The following LCORL variants were observed in gnomAD, a reference collection of about 807,000 sequenced individuals.
LCORL encodes the protein ligand dependent nuclear receptor corepressor like.
A neutral mutation model predicts 141.8 loss-of-function variants in LCORL; 41 were observed. That is an observed-to-expected ratio of 0.29 (90% confidence interval 0.23 to 0.38). The LOEUF is 0.38. Ranked by LOEUF, LCORL falls within the 10% of genes least tolerant of loss-of-function variation. The pLI, the probability that LCORL is intolerant of heterozygous loss-of-function variation, is 1.00. For synonymous variants in LCORL, 618 were observed against 694.1 expected (o/e 0.89, Z 1.72); for missense variants, 1,759 against 2,035.0 (o/e 0.86, Z 2.61).
intron 1 of LCORL, among the ~76,000 whole-genome samples, chr4:17,983,069 A>G (rs1257395844): frequency 6.6e-6 from 1 of 152,138 alleles, no homozygotes; most frequent in African/African-American, 2.4e-5. Flanking sequence ...AAGATTAGAT[A>G]GTTGTAGGTA....
chr4:17,959,564 T>C (rs1474997082), intron 4 of LCORL, among the ~76,000 whole-genome samples: 2 of 152,064 alleles, frequency 1.3e-5, no homozygotes, highest in Non-Finnish European at 2.9e-5. Context: ...TCATCATCAT[T>C]ATCCCAGGTA....
chr4:17,903,765 T>C (rs532346640), intron 5 of LCORL, among the ~76,000 whole-genome samples: 14 of 151,986 alleles, frequency 9.2e-5, no homozygotes, highest in Non-Finnish European at 1.9e-4. Context: ...GTGTAGAGTT[T>C]GTGAAAGAGA....
At chr4:17,981,177 C>T (rs778525612) in intron 1 of LCORL, among the ~76,000 whole-genome samples, 31 of 152,124 alleles carry the variant, frequency 2.0e-4, no homozygotes, top group Admixed American at 4.6e-4. Context: ...CTTTCATAAA[C>T]GGCTTATCCT....
chr4:17,970,092 T>G (rs913973062), intron 2 of LCORL, among the ~76,000 whole-genome samples: 7 of 152,256 alleles, frequency 4.6e-5, no homozygotes, highest in Non-Finnish European at 8.8e-5. Flanking sequence ...AAACATGTAT[T>G]TATACAAAAG....
chr4:17,969,353 C>T (rs1715510905), intron 2 of LCORL, among the ~76,000 whole-genome samples: 1 of 152,154 alleles, frequency 6.6e-6, no homozygotes, highest in African/African-American at 2.4e-5. Flanking sequence ...AAATAAGCAG[C>T]ACTCAAAAGT....
intron 7 of LCORL, among the ~76,000 whole-genome samples, chr4:17,869,443 G>A (rs1395317904): frequency 1.3e-5 from 2 of 151,954 alleles, no homozygotes; most frequent in Non-Finnish European, 2.9e-5. Flanking sequence ...ATATTCAATG[G>A]AACCGTTTCA....
intron 5 of LCORL, among the ~76,000 whole-genome samples, chr4:17,894,522 A>G (rs549218664): frequency 6.6e-6 from 1 of 152,362 alleles, no homozygotes; most frequent in African/African-American, 2.4e-5. Context: ...GTTAATGTTC[A>G]TAAAAACACT....
At position 18,021,538 on chromosome 4, in the gene LCORL, C is replaced by T; in HGVS notation, c.154+60G>A. On this transcript the variant is annotated intron_variant, in intron 1 of 7. Transcript: ENST00000635767. This position sits in a 1 kb window ranked among gnomAD's most constrained non-coding sequence, Gnocchi z 5.5. ...AACTAAACCCCTCAGCCACAAACTC[C>T]TCGGGCTGCGACAGCGGTCGCCGCG... is the stretch of plus-strand genomic sequence containing the variant. 1 of 1,450,332 alleles carries T rather than the reference C, an allele frequency of 6.9e-7. No individual in the cohort carries two copies. The highest frequency in any genetic ancestry group is 9.2e-7 in the Non-Finnish European group (1 of 1,082,466). 89.8% of individuals were successfully genotyped at this position (1,450,332 alleles called of 1,614,324 possible). A position where few individuals can be genotyped will look rare whatever the true frequency, so the allele number is the denominator to read the frequency against.
chr4:17,972,616 T>G (rs1261830715), intron 2 of LCORL, among the ~76,000 whole-genome samples: 1 of 151,670 alleles, frequency 6.6e-6, no homozygotes, highest in Non-Finnish European at 1.5e-5. Flanking sequence ...AAGCTTTATT[T>G]TCTATTTTGA....
chr4:17,874,227 T>C (rs1251784570), exon 7 of LCORL: 1 of 1,233,836 alleles, frequency 8.1e-7, no homozygotes, highest in African/African-American at 1.6e-5. Flanking sequence ...TATTGCTAAA[T>C]TACTTTTCAC....
intron 1 of LCORL, among the ~76,000 whole-genome samples, chr4:17,996,621 G>A (rs138179343): frequency 2.2e-4 from 33 of 152,072 alleles, no homozygotes; most frequent in African/African-American, 6.7e-4. Context: ...TCCTTTAAAT[G>A]CAAGGTAGTT....
In LCORL at chr4:18,021,872, G is replaced by A. The variant is rs1725684468; in HGVS notation, c.-121C>T. The stretch of plus-strand genomic sequence containing the variant: ...CCCGGAGGGGGGTTGATTGACACGT[G>A]TCACTACCTTCCCTCTGCCCTGCCC... On this transcript the variant is annotated 5_prime_UTR_variant, in exon 1 of 8. Coordinates refer to ENST00000635767, the Ensembl canonical transcript of LCORL. This position sits in a 1 kb window ranked among gnomAD's most constrained non-coding sequence, Gnocchi z 5.5. 4.4e-6 allele frequency: 5 copies of A among 1,131,294 alleles called. 1 individual carries two copies. The highest frequency in any genetic ancestry group is 5.9e-6 in the Non-Finnish European group (5 of 843,570). The allele number at this position is 1,131,294 out of a possible 1,614,324, so 70.1% of individuals were successfully genotyped here.
intron 1 of LCORL, among the ~76,000 whole-genome samples, chr4:18,009,101 G>A (rs1468634072): frequency 6.6e-6 from 1 of 151,922 alleles, no homozygotes; most frequent in Non-Finnish European, 1.5e-5. Flanking sequence ...CCAGTATAGG[G>A]CATGTGTATG....
At chr4:17,853,846 C>A (rs1724047895) in intron 7 of LCORL, among the ~76,000 whole-genome samples, 1 of 152,050 alleles carries the variant, frequency 6.6e-6, no homozygotes, top group Non-Finnish European at 1.5e-5. Flanking sequence ...GTCACTTATC[C>A]TTTCTTCTAA....
chr4:17,848,056 T>C (rs1284063302), intron 7 of LCORL, among the ~76,000 whole-genome samples: 2 of 152,212 alleles, frequency 1.3e-5, no homozygotes, highest in Admixed American at 6.5e-5. Context: ...GATTTTCCTT[T>C]TCAAAAACAT....
intron 5 of LCORL, among the ~76,000 whole-genome samples, chr4:17,902,140 C>A (rs1730981398): frequency 6.6e-6 from 1 of 151,902 alleles, no homozygotes; most frequent in Non-Finnish European, 1.5e-5. Context: ...AATATGAAGA[C>A]TAAAGAAAGA....
At chr4:17,879,719 T>G (rs950368803) in intron 6 of LCORL, among the ~76,000 whole-genome samples, 1 of 150,888 alleles carries the variant, frequency 6.6e-6, no homozygotes, top group African/African-American at 2.4e-5. Flanking sequence ...AAATTAAAAA[T>G]GACTAATTTT....
chr4:17,859,999 C>T (rs1211461663), intron 7 of LCORL, among the ~76,000 whole-genome samples: 1 of 152,124 alleles, frequency 6.6e-6, no homozygotes, highest in Non-Finnish European at 1.5e-5. Flanking sequence ...AATGGGAAAA[C>T]ATTCCATGAT....
At chr4:18,007,027 T>C (rs1222465010) in intron 1 of LCORL, among the ~76,000 whole-genome samples, 3 of 152,206 alleles carry the variant, frequency 2.0e-5, no homozygotes, top group Admixed American at 2.0e-4. Context: ...CCTCTTGTAA[T>C]AGTCTCCCCC....
Sources: gnomAD v4.1 joint callset for allele counts (sites outside exome capture counted in the v4.1 genomes callset) on GRCh38, gnomAD v4.1.1 for gene constraint, Gnocchi (gnomAD v3.1) non-coding constraint, MANE v1.5 for transcripts, NCBI Gene and HGNC (gene_info 2026-07-23, HGNC 2026-07-21) for gene names.